GALNT13: variants seen among roughly 807,000 people sequenced by gnomAD.
The protein encoded by GALNT13 is UDP-GalNAc:polypeptide N-acetylgalactosaminyltransferase 13.
A neutral mutation model predicts 64.2 loss-of-function variants in GALNT13; 28 were observed. The ratio of observed to expected loss-of-function variants is 0.44; its 90% confidence interval spans 0.32 to 0.60. The LOEUF is 0.60. GALNT13 is among the 20% of genes least tolerant of loss of function. The pLI, the probability that GALNT13 is intolerant of heterozygous loss-of-function variation, is 0.05. For missense variants in GALNT13, 577 were observed against 669.8 expected, an observed-to-expected ratio of 0.86 and a Z score of 1.53; for synonymous variants, 214 against 224.6, an observed-to-expected ratio of 0.95 and a Z score of 0.42.
chr2:154,116,469 A>C (rs1681571111), intron 3 of GALNT13, among the ~76,000 whole-genome samples: 1 of 152,176 alleles, frequency 6.6e-6, no homozygotes, highest in South Asian at 2.1e-4. Context: ...TTTGAGGCTT[A>C]GTGTCTGCTT....
At chr2:154,013,989 A>G (rs930094865) in intron 3 of GALNT13, among the ~76,000 whole-genome samples, 4 of 152,172 alleles carry the variant, frequency 2.6e-5, no homozygotes, top group Non-Finnish European at 5.9e-5. Flanking sequence ...CTGGTTAGGC[A>G]TTTGATGCTG....
chr2:153,840,421 A>G, the GALNT13 span, among the ~76,000 whole-genome samples: 2 of 152,156 alleles, frequency 1.3e-5, no homozygotes, highest in African/African-American at 2.4e-5. Flanking sequence ...TGTAATCTAT[A>G]TAATAAAGCA....
the GALNT13 span, among the ~76,000 whole-genome samples, chr2:153,298,482 A>T: frequency 2.6e-5 from 4 of 152,194 alleles, no homozygotes; most frequent in Admixed American, 1.3e-4. Flanking sequence ...AAGAGTGGTG[A>T]TCTCCTATGT....
intron 1 of GALNT13, among the ~76,000 whole-genome samples, chr2:153,890,327 C>T (rs945871207): frequency 4.0e-5 from 6 of 151,852 alleles, no homozygotes; most frequent in Middle Eastern, 3.4e-3. Flanking sequence ...AAATATGTGC[C>T]TCATTCATTC....
At chr2:154,416,998 T>C (rs1427634911) in intron 11 of GALNT13, among the ~76,000 whole-genome samples, 1 of 152,104 alleles carries the variant, frequency 6.6e-6, no homozygotes, top group Non-Finnish European at 1.5e-5. Context: ...TCTTTTACAT[T>C]TTTCTCTCTC....
chr2:153,268,941 A>G, the GALNT13 span, among the ~76,000 whole-genome samples: 2 of 152,222 alleles, frequency 1.3e-5, no homozygotes, highest in Non-Finnish European at 2.9e-5. Flanking sequence ...ACCGTAAGCT[A>G]GACACATGGA....
intron 3 of GALNT13, among the ~76,000 whole-genome samples, chr2:154,048,204 C>T (rs986083256): frequency 1.3e-5 from 2 of 152,144 alleles, no homozygotes; most frequent in Non-Finnish European, 1.5e-5. Flanking sequence ...AACTCACTAT[C>T]ACAAGAACAG....
At chr2:153,463,881 A>G in the GALNT13 span, among the ~76,000 whole-genome samples, 1 of 152,068 alleles carries the variant, frequency 6.6e-6, no homozygotes, top group South Asian at 2.1e-4. Flanking sequence ...TCACAATTCT[A>G]GACTCTCCCA....
the GALNT13 span, among the ~76,000 whole-genome samples, chr2:153,732,078 C>A: frequency 6.6e-6 from 1 of 151,888 alleles, no homozygotes; most frequent in Admixed American, 6.6e-5. Flanking sequence ...AGGAGACATA[C>A]AATGAGTAGC....
chr2:153,540,807 T>C, the GALNT13 span, among the ~76,000 whole-genome samples: 2 of 152,226 alleles, frequency 1.3e-5, no homozygotes, highest in African/African-American at 2.4e-5. Context: ...ATTTCTCCCA[T>C]TTGGAATGTG....
chr2:154,348,495 A>G (rs1256158402), intron 9 of GALNT13, among the ~76,000 whole-genome samples: 1 of 152,060 alleles, frequency 6.6e-6, no homozygotes, highest in Non-Finnish European at 1.5e-5. Flanking sequence ...AAACACCCAC[A>G]CAGTCACAGG....
chr2:153,912,582 T>TA (rs1689030037), intron 2 of GALNT13, among the ~76,000 whole-genome samples: 1 of 152,026 alleles, frequency 6.6e-6, no homozygotes, highest in Non-Finnish European at 1.5e-5. Flanking sequence ...TAGATGTTTT[T>TA]TTTTCTTTTA....
the GALNT13 span, chr2:153,449,675 C>A: frequency 6.1e-6 from 1 of 163,998 alleles, no homozygotes; most frequent in South Asian, 1.8e-4. Context: ...TCTCACAGTT[C>A]TGGAGGCTGG....
chr2:154,014,714 G>A, intron 3 of GALNT13, among the ~76,000 whole-genome samples: 1 of 136,162 alleles, frequency 7.3e-6, no homozygotes, highest in Non-Finnish European at 1.5e-5. Flanking sequence ...CTCACTGCAA[G>A]CTCCGCCTCC....
At chr2:154,242,962 C>A in intron 6 of GALNT13, 57 bp downstream of exon 6, 1 of 1,315,970 alleles carries the variant, frequency 7.6e-7, no homozygotes, top group Non-Finnish European at 1.1e-6. Flanking sequence ...TAGGACAGTT[C>A]CAGATGTCCA....
At chr2:153,414,862 T>C in the GALNT13 span, among the ~76,000 whole-genome samples, 7 of 152,186 alleles carry the variant, frequency 4.6e-5, no homozygotes, top group Non-Finnish European at 8.8e-5. Flanking sequence ...ACCAACTGTT[T>C]ATATTTACAA....
chr2:153,929,995 A>G (rs1168091162), intron 2 of GALNT13, among the ~76,000 whole-genome samples: 1 of 151,888 alleles, frequency 6.6e-6, no homozygotes, highest in Non-Finnish European at 1.5e-5. Context: ...TTTCTCCACA[A>G]TTTTGCCAGC....
the GALNT13 span, among the ~76,000 whole-genome samples, chr2:153,402,021 C>A: frequency 5.5e-5 from 8 of 144,712 alleles, no homozygotes; most frequent in South Asian, 4.7e-4. Context: ...TCTTCCTAGT[C>A]TCGATGGTCT....
intron 3 of GALNT13, among the ~76,000 whole-genome samples, chr2:154,133,127 G>C (rs1682721486): frequency 6.6e-6 from 1 of 152,070 alleles, no homozygotes; most frequent in South Asian, 2.1e-4. Context: ...ATCTTATTTA[G>C]GAAGAGATTG....
Sources: gnomAD v4.1 joint callset for allele counts (sites outside exome capture counted in the v4.1 genomes callset) on GRCh38, gnomAD v4.1.1 for gene constraint, MANE v1.5 for transcripts, NCBI Gene and HGNC (gene_info 2026-07-23, HGNC 2026-07-21) for gene names.